The following THSD7B variants were observed in gnomAD, a reference collection of about 807,000 sequenced individuals.
THSD7B encodes thrombospondin type 1 domain containing 7B, also known as thrombospondin type-1 domain-containing protein 7B.
In THSD7B, 138 loss-of-function variants were observed where a neutral mutation model predicts 213.6. The observed-to-expected ratio is 0.65, with a 90% CI of 0.56 to 0.74. THSD7B has a LOEUF of 0.74. THSD7B is among the 30% of genes least tolerant of loss of function. THSD7B has a pLI of 0.00. For missense variants in THSD7B, 1,931 were observed against 1,991.5 expected (o/e 0.97, Z 0.58); for synonymous variants, 742 against 687.0 (o/e 1.08, Z -1.25).
chr2:137,613,420 G>T (rs1216702381), intron 17 of THSD7B, among the ~76,000 whole-genome samples: 1 of 152,090 alleles, frequency 6.6e-6, no homozygotes, highest in Non-Finnish European at 1.5e-5. Flanking sequence ...CAGGCAAAAG[G>T]CTTTGCTTCT....
intron 2 of THSD7B, among the ~76,000 whole-genome samples, chr2:137,007,659 A>G (rs1006777570): frequency 1.3e-5 from 2 of 152,158 alleles, no homozygotes; most frequent in Admixed American, 1.3e-4. Flanking sequence ...ACAATGAGAT[A>G]AGAATTGCAG....
chr2:137,046,482 C>T (rs1686971845), intron 2 of THSD7B, among the ~76,000 whole-genome samples: 2 of 152,052 alleles, frequency 1.3e-5, no homozygotes, highest in Admixed American at 6.6e-5. Context: ...GTCATCCCAG[C>T]ACTTTGGGAA....
chr2:136,987,916 A>G lies in THSD7B; in HGVS notation c.140-68504A>G, dbSNP rs979857206. 3.9e-5 allele frequency among the ~76,000 whole-genome samples: 6 copies of G among 152,352 alleles called. No individual in the cohort carries two copies. In the South Asian group the frequency reaches 8.3e-4, roughly 21 times the overall value. ...TTAATATGAAGAAAGAAAAGAAGAA[A>G]TATATTTTTATAGAAAATTTCCCCT... is the stretch of plus-strand genomic sequence containing the variant. On this transcript the variant is annotated intron_variant, in intron 2 of 27. Coordinates refer to ENST00000409968, the MANE Select transcript of THSD7B (RefSeq NM_001316349.2).
intron 1 of THSD7B, among the ~76,000 whole-genome samples, chr2:136,880,134 A>T (rs1246612836): frequency 6.6e-6 from 1 of 152,068 alleles, no homozygotes; most frequent in Non-Finnish European, 1.5e-5. Flanking sequence ...CATCTACAGA[A>T]CTCTCCACCT....
intron 5 of THSD7B, among the ~76,000 whole-genome samples, chr2:137,152,284 A>T (rs1178398402): frequency 6.6e-6 from 1 of 152,046 alleles, no homozygotes; most frequent in Non-Finnish European, 1.5e-5. Context: ...ACATTTTTAA[A>T]CCTATTTTTT....
At chr2:137,663,321 A>G (rs1573774191) in intron 25 of THSD7B, 62 bp from the exon 26 acceptor site, 2 of 1,341,442 alleles carry the variant, frequency 1.5e-6, no homozygotes, top group Non-Finnish European at 2.0e-6. Flanking sequence ...TTAACATTAT[A>G]TTTTTATTCA....
At chr2:137,052,670 G>C (rs1272653188) in intron 2 of THSD7B, among the ~76,000 whole-genome samples, 1 of 152,070 alleles carries the variant, frequency 6.6e-6, no homozygotes, top group African/African-American at 2.4e-5. Context: ...TTGGACAAGA[G>C]ATGTAAGATT....
chr2:137,400,177 T>C (rs1209253417), intron 12 of THSD7B, among the ~76,000 whole-genome samples: 4 of 152,204 alleles, frequency 2.6e-5, no homozygotes, highest in African/African-American at 7.2e-5. Context: ...ATCTCTTGCA[T>C]TGGGCTTCTC....
At chr2:137,487,374 CAAAAAAAA>C (rs35759254) in intron 15 of THSD7B, among the ~76,000 whole-genome samples, 1 of 33,164 alleles carries the variant, frequency 3.0e-5, no homozygotes, top group Non-Finnish European at 4.8e-5. Flanking sequence ...GACTCCGTCT[CAAAAAAAA>C]AAAAAAAAAA....
chr2:136,852,105 A>C (rs942260230), intron 1 of THSD7B, among the ~76,000 whole-genome samples: 1 of 152,154 alleles, frequency 6.6e-6, no homozygotes, highest in African/African-American at 2.4e-5. Flanking sequence ...CAATCTAATC[A>C]GATGAGCCCT....
chr2:137,280,925 A>C (rs1248455895), intron 12 of THSD7B, among the ~76,000 whole-genome samples: 3 of 152,100 alleles, frequency 2.0e-5, no homozygotes. Flanking sequence ...TTTAAAGCTG[A>C]CTTAATGGAC....
intron 27 of THSD7B, among the ~76,000 whole-genome samples, chr2:137,671,309 T>C (rs1392483916): frequency 6.6e-6 from 1 of 151,818 alleles, no homozygotes; most frequent in East Asian, 1.9e-4. Context: ...AAAGATTTTA[T>C]AGTCATTGAA....
intron 1 of THSD7B, among the ~76,000 whole-genome samples, chr2:136,844,202 G>T (rs1485037992): frequency 6.6e-6 from 1 of 152,114 alleles, no homozygotes; most frequent in African/African-American, 2.4e-5. Context: ...ATTTAACACA[G>T]GGGTTAACGT....
chr2:137,264,577 AT>A (rs1157191749), intron 10 of THSD7B, among the ~76,000 whole-genome samples: 1 of 152,010 alleles, frequency 6.6e-6, no homozygotes. Flanking sequence ...ACAATTTGGA[AT>A]TTTTTTCCAA....
At chr2:137,514,326 G>A (rs116115908) in intron 15 of THSD7B, among the ~76,000 whole-genome samples, 138 of 152,236 alleles carry the variant, frequency 9.1e-4, no homozygotes, top group African/African-American at 3.2e-3. Flanking sequence ...CAGAATAAAA[G>A]GCAGGCAGAA....
chr2:137,284,020 A>T (rs1683105576), intron 12 of THSD7B, among the ~76,000 whole-genome samples: 1 of 152,064 alleles, frequency 6.6e-6, no homozygotes. Context: ...CTGTGAATCC[A>T]TCTGGTCCTG....
intron 4 of THSD7B, among the ~76,000 whole-genome samples, chr2:137,106,745 T>G (rs769421053): frequency 6.6e-6 from 1 of 152,138 alleles, no homozygotes; most frequent in Non-Finnish European, 1.5e-5. Flanking sequence ...TGAACAGACA[T>G]TTCTCAAAAG....
chr2:137,387,031 A>G (rs1317515069), intron 12 of THSD7B, among the ~76,000 whole-genome samples: 1 of 152,244 alleles, frequency 6.6e-6, no homozygotes, highest in Non-Finnish European at 1.5e-5. Context: ...AACAGGGGGA[A>G]GCAATCAATG....
chr2:137,185,521 C>T (rs1680534697), intron 7 of THSD7B, among the ~76,000 whole-genome samples: 1 of 152,046 alleles, frequency 6.6e-6, no homozygotes, highest in African/African-American at 2.4e-5. Flanking sequence ...TGCTTTAGTT[C>T]ACTTAGGATA....
Sources: allele counts gnomAD v4.1 joint callset (sites outside exome capture counted in the v4.1 genomes callset), GRCh38; gene constraint gnomAD v4.1.1; transcripts MANE v1.5; gene names NCBI Gene and HGNC (gene_info 2026-07-23, HGNC 2026-07-21).